Variants in ADD3 observed in about 807,000 individuals in gnomAD.
ADD3 encodes gamma-adducin.
In ADD3, 25 loss-of-function variants were observed where a neutral mutation model predicts 80.2. That is an observed-to-expected ratio of 0.31 (90% CI 0.23 to 0.44). ADD3 has a LOEUF of 0.44. Ranked by LOEUF, ADD3 falls within the 20% of genes least tolerant of loss-of-function variation. The pLI is 1.00. For synonymous variants in ADD3, 284 were observed against 289.6 expected, an observed-to-expected ratio of 0.98 and a Z score of 0.20; for missense variants, 829 against 847.5, an observed-to-expected ratio of 0.98 and a Z score of 0.27.
intron 1 of ADD3, among the ~76,000 whole-genome samples, chr10:110,078,000 G>C (rs1845571365): frequency 1.3e-5 from 2 of 152,206 alleles, no homozygotes; most frequent in Non-Finnish European, 1.5e-5. Context: ...AACTGCCTCT[G>C]TTGAAATCAA....
intron 1 of ADD3, among the ~76,000 whole-genome samples, chr10:110,061,251 G>A (rs986023165): frequency 6.6e-6 from 1 of 152,212 alleles, no homozygotes; most frequent in Non-Finnish European, 1.5e-5. Flanking sequence ...AGGTAATGCT[G>A]ATGGCTTCCT....
At position 110,133,902 on chromosome 10, in the gene ADD3, C is replaced by A; in HGVS notation, c.*284C>A. The A allele has an allele frequency of 4.6e-6, 1 of 216,132 alleles. No individual in the cohort carries two copies. Among genetic ancestry groups the A allele is most frequent in the Non-Finnish European group, 9.0e-6 (1 of 110,734 alleles). 13.4% of individuals were successfully genotyped at this position (216,132 alleles called of 1,614,324 possible). A position where few individuals can be genotyped will look rare whatever the true frequency, so the allele number is the denominator to read the frequency against. On this transcript the variant is annotated 3_prime_UTR_variant, in exon 15 of 15. Transcript: ENST00000356080. ...CATAAACAGCTATCTGTCTGAATTACTTCAGGCCTTCTCCATAATATCTGT... is the reference window on the plus strand; with the variant it reads ...CATAAACAGCTATCTGTCTGAATTAATTCAGGCCTTCTCCATAATATCTGT...
At chr10:110,034,927 C>G (rs1253161244) in intron 1 of ADD3, among the ~76,000 whole-genome samples, 2 of 152,104 alleles carry the variant, frequency 1.3e-5, no homozygotes, top group African/African-American at 4.8e-5. Flanking sequence ...AAAGATTAAC[C>G]AGCCATGTTT....
rs570597556 is a variant in ADD3 at position 110,101,586 on chromosome 10, G to A, written c.195+738G>A. On this transcript the variant is annotated intron_variant, in intron 2 of 14. Coordinates refer to ENST00000356080, the MANE Select transcript of ADD3 (RefSeq NM_016824.5). ...CAGAAGGTCAAGACTGCTGTGAGCC[G>A]TGATCATGCCACTGCATTCCAGCCT... 2.5e-4 allele frequency among the ~76,000 whole-genome samples: 37 copies of A among 150,470 alleles called. No homozygotes were observed. The South Asian group carries it at 7.7e-3, about 31-fold the overall frequency.
At chr10:110,023,039 C>T (rs958054651) in intron 1 of ADD3, among the ~76,000 whole-genome samples, 1 of 152,078 alleles carries the variant, frequency 6.6e-6, no homozygotes, top group Non-Finnish European at 1.5e-5. Flanking sequence ...GAGGCATAAT[C>T]AAATGTCTCT....
chr10:110,088,975 G>C (rs1396806931), intron 1 of ADD3, among the ~76,000 whole-genome samples: 1 of 151,880 alleles, frequency 6.6e-6, no homozygotes, highest in Non-Finnish European at 1.5e-5. Context: ...AAGCTTTGTT[G>C]GATTATTTGC....
chr10:110,103,650 G>C lies in ADD3; in HGVS notation c.195+2802G>C, dbSNP rs537965135. Among the ~76,000 whole-genome samples, 3 of 152,268 alleles carry C rather than the reference G, an allele frequency of 2.0e-5. No individual in the cohort carries two copies. In the South Asian group the frequency reaches 6.2e-4, roughly 32 times the overall value. ...TTTCAATTCTCCCCATGCTCCAGGG[G>C]AGAGAAATTAAGCTCCATCTTTTGA... On this transcript the variant is annotated intron_variant, in intron 2 of 14. Coordinates refer to ENST00000356080, the MANE Select transcript of ADD3 (RefSeq NM_016824.5).
At chr10:110,009,407 C>G (rs533633902) in intron 1 of ADD3, among the ~76,000 whole-genome samples, 1 of 152,154 alleles carries the variant, frequency 6.6e-6, no homozygotes, top group African/African-American at 2.4e-5. Flanking sequence ...TTAGAAGACT[C>G]CTAGTGAGAG....
chr10:110,059,299 C>G (rs189199712), intron 1 of ADD3, among the ~76,000 whole-genome samples: 4 of 152,224 alleles, frequency 2.6e-5, no homozygotes, highest in South Asian at 2.1e-4. Flanking sequence ...TGGTGAAGTC[C>G]TGTCTAAACT....
intron 14 of ADD3, among the ~76,000 whole-genome samples, chr10:110,132,924 CAAAAAAAAAAAA>C (rs60435351): frequency 9.1e-5 from 6 of 66,276 alleles, no homozygotes; most frequent in Admixed American, 7.2e-4. Flanking sequence ...GACTCCGCCT[CAAAAAAAAAAAA>C]AAAAAAAAAA....
At chr10:110,007,688 C>A (rs990875083), upstream of ADD3, among the ~76,000 whole-genome samples, 1 of 152,168 alleles carries the variant, frequency 6.6e-6, no homozygotes, top group Admixed American at 6.5e-5. Flanking sequence ...CAGGCCCCCA[C>A]CGCTGCGGCT....
chr10:110,129,754 A>G (rs1476920316), intron 12 of ADD3, among the ~76,000 whole-genome samples: 1 of 152,120 alleles, frequency 6.6e-6, no homozygotes, highest in Admixed American at 6.5e-5. Context: ...AGCTTCCAAA[A>G]ATATGTTAAC....
At chr10:110,050,506 CTTTTTT>C (rs59897959) in intron 1 of ADD3, among the ~76,000 whole-genome samples, 12 of 129,438 alleles carry the variant, frequency 9.3e-5, no homozygotes, top group South Asian at 2.5e-4. Context: ...CATTAAACCT[CTTTTTT>C]TTTTTTTTTT....
At chr10:110,123,894 G>A in intron 9 of ADD3, 123 bp from the exon 10 acceptor site, 5 of 967,362 alleles carry the variant, frequency 5.2e-6, no homozygotes, top group Non-Finnish European at 7.7e-6. Flanking sequence ...TTGGAAGGAT[G>A]CCTTTTTCTT....
chr10:110,108,413 A>G (rs1182060242), intron 2 of ADD3, among the ~76,000 whole-genome samples: 1 of 152,144 alleles, frequency 6.6e-6, no homozygotes, highest in Non-Finnish European at 1.5e-5. Flanking sequence ...AGGGTTCCAT[A>G]TTTGAATCTT....
At chr10:110,044,911 T>C (rs1856759376) in intron 1 of ADD3, among the ~76,000 whole-genome samples, 1 of 152,262 alleles carries the variant, frequency 6.6e-6, no homozygotes, top group South Asian at 2.1e-4. Flanking sequence ...CATTTGGCTA[T>C]GTGCATTTGA....
chr10:110,051,622 G>A (rs1235993783), intron 1 of ADD3, among the ~76,000 whole-genome samples: 1 of 152,124 alleles, frequency 6.6e-6, no homozygotes, highest in Non-Finnish European at 1.5e-5. Context: ...ATATTCTAGG[G>A]TATACCATTA....
At chr10:110,115,799 A>T (rs1027427939) in intron 3 of ADD3, among the ~76,000 whole-genome samples, 3 of 152,234 alleles carry the variant, frequency 2.0e-5, no homozygotes, top group African/African-American at 7.2e-5. Flanking sequence ...CAAGACCTTC[A>T]ATAGGACAGA....
intron 3 of ADD3, among the ~76,000 whole-genome samples, chr10:110,113,764 A>G (rs1318188135): frequency 6.6e-6 from 1 of 152,210 alleles, no homozygotes. Context: ...TATTATTAAC[A>G]AAAATAGAAT....
Sources: allele counts gnomAD v4.1 joint callset (sites outside exome capture counted in the v4.1 genomes callset), GRCh38; gene constraint gnomAD v4.1.1; transcripts MANE v1.5; gene names NCBI Gene and HGNC (gene_info 2026-07-23, HGNC 2026-07-21).